BAZ2B: variants seen among roughly 807,000 people sequenced by gnomAD.
The protein encoded by BAZ2B is bromodomain adjacent to zinc finger domain 2B, also known as bromodomain adjacent to zinc finger domain protein 2B.
In BAZ2B, 91 loss-of-function variants were observed where a neutral mutation model predicts 246.0. The observed-to-expected ratio is 0.37, with a 90% CI of 0.31 to 0.44. The LOEUF (loss-of-function observed/expected upper bound fraction) is 0.44, where lower values mean the gene tolerates loss of function less well. BAZ2B is among the 20% of genes least tolerant of loss of function. The probability of loss-of-function intolerance (pLI) is 1.00; values close to 1 mark genes in which losing one functional copy is unlikely to be tolerated. For missense variants in BAZ2B, 2,332 were observed against 2,533.7 expected (o/e 0.92, Z 1.71); for synonymous variants, 855 against 860.0 (o/e 0.99, Z 0.10).
At chr2:159,317,363 G>A (rs1384139290), downstream of BAZ2B, among the ~76,000 whole-genome samples, 1 of 152,200 alleles carries the variant, frequency 6.6e-6, no homozygotes, top group Non-Finnish European at 1.5e-5. Context: ...TGGTGCTTGT[G>A]ACAAGTTTTA....
intron 2 of BAZ2B, among the ~76,000 whole-genome samples, chr2:159,504,183 T>G (rs1482869880): frequency 6.6e-6 from 1 of 152,008 alleles, no homozygotes; most frequent in Non-Finnish European, 1.5e-5. Context: ...TTATTATACT[T>G]TAAGTTTTAG....
chr2:159,630,538 C>CTT, the BAZ2B span, among the ~76,000 whole-genome samples: 303 of 145,226 alleles, frequency 2.1e-3, no homozygotes, highest in African/African-American at 3.5e-3. Flanking sequence ...ATTCTTCTCT[C>CTT]TTTTTTTTTT....
chr2:159,665,712 T>C, the BAZ2B span, among the ~76,000 whole-genome samples: 2 of 150,374 alleles, frequency 1.3e-5, no homozygotes, highest in African/African-American at 4.9e-5. Flanking sequence ...CAAGATGGAT[T>C]AAAGATTTAA....
chr2:159,581,699 A>T (rs1686819959), intron 1 of BAZ2B, among the ~76,000 whole-genome samples: 1 of 152,062 alleles, frequency 6.6e-6, no homozygotes. Context: ...TAGACTGGAT[A>T]AAGAAAATGT....
chr2:159,354,288 T>C (rs1033178808), intron 27 of BAZ2B, among the ~76,000 whole-genome samples: 6 of 152,174 alleles, frequency 3.9e-5, no homozygotes, highest in African/African-American at 1.2e-4. Context: ...TCAAAAGTCA[T>C]GGCTATCTTT....
chr2:159,514,492 G>A (rs1045762086), intron 2 of BAZ2B, among the ~76,000 whole-genome samples: 4 of 152,046 alleles, frequency 2.6e-5, no homozygotes, highest in Non-Finnish European at 2.9e-5. Flanking sequence ...CTGATACTTA[G>A]GCATTCCATA....
intron 1 of BAZ2B, among the ~76,000 whole-genome samples, chr2:159,560,570 A>C (rs1578382581): frequency 6.7e-6 from 1 of 150,178 alleles, no homozygotes; most frequent in African/African-American, 2.4e-5. Flanking sequence ...TTTATAAAGC[A>C]ACTTTTTTTT....
At chr2:159,665,936 G>A in the BAZ2B span, among the ~76,000 whole-genome samples, 2 of 152,174 alleles carry the variant, frequency 1.3e-5, no homozygotes, top group East Asian at 3.9e-4. Flanking sequence ...GGGTGTCTTT[G>A]GTTTTAATTT....
intron 27 of BAZ2B, among the ~76,000 whole-genome samples, chr2:159,365,998 C>G (rs1260411441): frequency 6.6e-6 from 1 of 152,190 alleles, no homozygotes; most frequent in Non-Finnish European, 1.5e-5. Flanking sequence ...TTAACATACT[C>G]AACTGTGGAG....
intron 20 of BAZ2B, 101 bp from the exon 21 acceptor site, chr2:159,389,586 A>G: frequency 9.6e-7 from 1 of 1,036,514 alleles, no homozygotes; most frequent in Non-Finnish European, 1.3e-6. Flanking sequence ...GCTTTTCATT[A>G]ATCTTACTCT....
At chr2:159,458,459 G>A (rs1398032102) in intron 3 of BAZ2B, 2 of 152,340 alleles carry the variant, frequency 1.3e-5, no homozygotes, top group Non-Finnish European at 2.9e-5. Context: ...CCAAGTAGCT[G>A]GGACTACAGG....
intron 35 of BAZ2B, among the ~76,000 whole-genome samples, 184 bp from the exon 36 acceptor site, chr2:159,325,138 T>TATATA: frequency 2.2e-5 from 1 of 44,938 alleles, no homozygotes; most frequent in African/African-American, 9.6e-5. Flanking sequence ...TATATATATA[T>TATATA]ATATATATAT....
intron 34 of BAZ2B, among the ~76,000 whole-genome samples, chr2:159,326,820 T>A (rs532421915): frequency 1.3e-5 from 2 of 152,232 alleles, no homozygotes; most frequent in East Asian, 3.9e-4. Flanking sequence ...CACCCTGTAT[T>A]CATAGAGAAA....
At chr2:159,420,556 T>G (rs1256623410) in intron 13 of BAZ2B, among the ~76,000 whole-genome samples, 3 of 152,136 alleles carry the variant, frequency 2.0e-5, no homozygotes, top group Non-Finnish European at 2.9e-5. Flanking sequence ...AGAAATAAAC[T>G]TAAGGTCTTT....
chr2:159,553,583 G>A (rs1347466405), intron 2 of BAZ2B, among the ~76,000 whole-genome samples: 2 of 151,888 alleles, frequency 1.3e-5, no homozygotes, highest in African/African-American at 4.8e-5. Flanking sequence ...ATCAAACTGG[G>A]AGTTGTGTAC....
At chr2:159,432,434 T>G (rs1049270051) in intron 9 of BAZ2B, among the ~76,000 whole-genome samples, 2 of 152,138 alleles carry the variant, frequency 1.3e-5, no homozygotes, top group African/African-American at 4.8e-5. Context: ...TTTTAACAAG[T>G]AGCAGAAGAA....
intron 4 of BAZ2B, among the ~76,000 whole-genome samples, chr2:159,451,554 C>A (rs1190803713): frequency 3.3e-5 from 5 of 152,148 alleles, no homozygotes; most frequent in Non-Finnish European, 5.9e-5. Context: ...AAAAAGTATG[C>A]TCATCTAGGC....
At chr2:159,332,759 C>CAT (rs1391378500) in intron 33 of BAZ2B, 73 bp from the exon 34 acceptor site, 1 of 1,495,338 alleles carries the variant, frequency 6.7e-7, no homozygotes, top group East Asian at 2.3e-5. Context: ...TTAAACACAC[C>CAT]ATAATTCCTA....
chr2:159,650,273 G>A, the BAZ2B span, among the ~76,000 whole-genome samples: 143 of 146,970 alleles, frequency 9.7e-4, 5 homozygotes, highest in South Asian at 0.03. Context: ...ATTTTATCTT[G>A]TGAGGTGCTG....
Sources: gnomAD v4.1 joint callset for allele counts (sites outside exome capture counted in the v4.1 genomes callset) on GRCh38, gnomAD v4.1.1 for gene constraint, MANE v1.5 for transcripts, NCBI Gene and HGNC (gene_info 2026-07-23, HGNC 2026-07-21) for gene names.